JAK1: variants seen among roughly 807,000 people sequenced by gnomAD.
The protein encoded by JAK1 is Janus kinase 1, also known as tyrosine-protein kinase JAK1.
Under a neutral mutation model 136.6 loss-of-function variants are expected in JAK1, and 16 were observed. The ratio of observed to expected loss-of-function variants is 0.12; its 90% CI spans 0.08 to 0.18. The LOEUF (loss-of-function observed/expected upper bound fraction) is 0.18. Ranked by LOEUF, JAK1 falls within the 10% of genes least tolerant of loss-of-function variation. JAK1 has a pLI of 1.00. For synonymous variants in JAK1, 492 were observed against 519.5 expected (o/e 0.95, Z 0.72); for missense variants, 859 against 1,450.1 (o/e 0.59, Z 6.62).
chr1:65,062,929 C>G (rs1647854814), intron 1 of JAK1, among the ~76,000 whole-genome samples: 1 of 152,166 alleles, frequency 6.6e-6, no homozygotes, highest in African/African-American at 2.4e-5. Context: ...TCTATATGGT[C>G]TTAGGTGAGG....
chr1:64,893,172 G>C (rs1337082974), intron 1 of JAK1, among the ~76,000 whole-genome samples: 1 of 149,632 alleles, frequency 6.7e-6, no homozygotes, highest in African/African-American at 2.5e-5. Context: ...CCAGGAAGAA[G>C]GAAAATCACA....
chr1:64,873,509 T>C lies in JAK1; in HGVS notation c.344A>G (p.Asn115Ser), dbSNP rs1657203141. The change falls in exon 5 of 25, where the codon AAT becomes AGT. Residue 115 changes from asparagine to serine, a missense_variant. Coordinates refer to ENST00000342505, the MANE Select transcript of JAK1 (RefSeq NM_002227.4). The stretch of plus-strand genomic sequence containing the variant: ...CTCATTGTCGTTGGTTCCATGCCAA[T>C]TGGTGAAATAGAACCTGGAAGGCAG... The part of the protein sequence containing the change: ...LHYRMRFYFT[N>S]WHGTNDNEQS... 5 of 1,614,130 alleles carry C rather than the reference T, an allele frequency of 3.1e-6. No individual in the cohort carries two copies. Among genetic ancestry groups the C allele is most frequent in the Non-Finnish European group, 3.4e-6 (4 of 1,179,994 alleles).
intron 2 of JAK1, among the ~76,000 whole-genome samples, chr1:65,024,854 G>A (rs1431493934): frequency 6.6e-6 from 1 of 151,990 alleles, no homozygotes; most frequent in African/African-American, 2.4e-5. Flanking sequence ...GCAGGCACCT[G>A]TAATCTCAAC....
rs142435289 is a variant in JAK1 at position 64,879,340 on chromosome 1, A to G, written c.206-192T>C. On this transcript the variant is annotated intron_variant, in intron 3 of 24. Coordinates refer to ENST00000342505, the MANE Select transcript of JAK1 (RefSeq NM_002227.4). ...GTTTTGATCATAATCATCAAGAACT[A>G]TGACTCCCCAGAAATATGCACTGTA... Among the ~76,000 whole-genome samples the G allele has an allele frequency of 2.4e-3, 364 of 152,298 alleles. 3 individuals carry two copies. Among genetic ancestry groups the G allele is most frequent in the Non-Finnish European group, 2.8e-3 (191 of 68,022 alleles).
At chr1:64,933,903 G>A (rs747298650) in intron 1 of JAK1, among the ~76,000 whole-genome samples, 8 of 152,090 alleles carry the variant, frequency 5.3e-5, no homozygotes, top group South Asian at 4.1e-4. Flanking sequence ...AAATCGCTGT[G>A]GTCCTTAGAA....
chr1:64,961,775 T>G (rs1348898885), intron 1 of JAK1, among the ~76,000 whole-genome samples: 2 of 152,186 alleles, frequency 1.3e-5, no homozygotes, highest in Non-Finnish European at 2.9e-5. Context: ...AAAAAGCATT[T>G]GACAAGGGCT....
chr1:64,843,434 G>T (rs777244975), intron 17 of JAK1, among the ~76,000 whole-genome samples: 1 of 152,122 alleles, frequency 6.6e-6, no homozygotes, highest in Non-Finnish European at 1.5e-5. Flanking sequence ...TCCACACCTC[G>T]CCTGTTTTGC....
intron 2 of JAK1, among the ~76,000 whole-genome samples, chr1:64,982,129 C>CACACACGCAG (rs1557741686): frequency 2.0e-5 from 3 of 151,778 alleles, no homozygotes; most frequent in African/African-American, 4.8e-5. Flanking sequence ...CACACGCACA[C>CACACACGCAG]ACACACACAT....
At chr1:64,862,513 TC>T in intron 8 of JAK1, among the ~76,000 whole-genome samples, 1 of 152,354 alleles carries the variant, frequency 6.6e-6, no homozygotes, top group Middle Eastern at 3.4e-3. Flanking sequence ...ATTTCTTTCT[TC>T]CTGCCCTCCT....
chr1:64,834,359 G>A lies in JAK1; in HGVS notation c.*203C>T. On this transcript the variant is annotated 3_prime_UTR_variant, in exon 25 of 25. Transcript: ENST00000342505. ...GTCATTATGTGTCACTAAGTTACTGGTACCAAATTTAAAGAGGAAGTCCTT... is the reference window on the plus strand; with the variant it reads ...GTCATTATGTGTCACTAAGTTACTGATACCAAATTTAAAGAGGAAGTCCTT... 2.4e-6 allele frequency: 1 copy of A among 418,164 alleles called. No individual in the cohort carries two copies. The highest frequency in any genetic ancestry group is 4.4e-6 in the Non-Finnish European group (1 of 229,570). 25.9% of individuals were successfully genotyped at this position (418,164 alleles called of 1,614,324 possible). A position where few individuals can be genotyped will look rare whatever the true frequency, so the allele number is the denominator to read the frequency against.
intron 2 of JAK1, among the ~76,000 whole-genome samples, chr1:65,015,923 C>G (rs1156699891): frequency 6.6e-6 from 1 of 152,086 alleles, no homozygotes; most frequent in Non-Finnish European, 1.5e-5. Context: ...GCATTATTTA[C>G]AATGGTCAAA....
chr1:65,055,291 G>T (rs1647481809), intron 1 of JAK1, among the ~76,000 whole-genome samples: 1 of 152,054 alleles, frequency 6.6e-6, no homozygotes, highest in Non-Finnish European at 1.5e-5. Flanking sequence ...CACTTAGCAT[G>T]GTATCTTCAA....
At chr1:64,900,951 T>A (rs1203613754) in intron 1 of JAK1, among the ~76,000 whole-genome samples, 1 of 152,156 alleles carries the variant, frequency 6.6e-6, no homozygotes, top group Non-Finnish European at 1.5e-5. Context: ...TCAGGAATCA[T>A]CTCCATCAAG....
At chr1:64,886,751 T>TACACACACACACAC (rs3838404) in intron 1 of JAK1, among the ~76,000 whole-genome samples, 61 of 138,942 alleles carry the variant, frequency 4.4e-4, no homozygotes, top group Non-Finnish European at 6.0e-4. Flanking sequence ...CAACCTTGTC[T>TACACACACACACAC]ACACACACAC....
intron 1 of JAK1, among the ~76,000 whole-genome samples, chr1:64,944,654 C>T (rs2027052): frequency 0.99 from 151,334 of 152,216 alleles, 75,236 homozygotes; most frequent in Middle Eastern, 1. Context: ...GGGTATATCA[C>T]TACTGAAAGA....
intron 1 of JAK1, among the ~76,000 whole-genome samples, chr1:64,910,696 T>C (rs1645269197): frequency 1.3e-5 from 2 of 152,026 alleles, no homozygotes; most frequent in South Asian, 4.1e-4. Context: ...TAGCCAGGCA[T>C]GGTGGCGAGC....
chr1:64,885,748 G>A (rs529738398), intron 2 of JAK1, among the ~76,000 whole-genome samples: 3 of 149,118 alleles, frequency 2.0e-5, no homozygotes, highest in South Asian at 2.1e-4. Flanking sequence ...GCAAGAGTCC[G>A]ACTCAAAAAA....
chr1:65,011,721 C>T (rs1258643477), intron 2 of JAK1, among the ~76,000 whole-genome samples: 2 of 152,098 alleles, frequency 1.3e-5, no homozygotes, highest in African/African-American at 4.8e-5. Context: ...AAGGGTAGGA[C>T]ATTGAGGAAG....
intron 8 of JAK1, among the ~76,000 whole-genome samples, chr1:64,861,405 T>C (rs1364032413): frequency 7.2e-5 from 11 of 152,050 alleles, no homozygotes; most frequent in African/African-American, 2.4e-4. Context: ...AGGAAGGTGT[T>C]CTGAAAGACA....
Sources: gnomAD v4.1 joint callset for allele counts (sites outside exome capture counted in the v4.1 genomes callset) on GRCh38, gnomAD v4.1.1 for gene constraint, MANE v1.5 for transcripts, NCBI Gene and HGNC (gene_info 2026-07-23, HGNC 2026-07-21) for gene names.